The following GCN1 variants were observed in gnomAD, a reference collection of about 807,000 sequenced individuals.
GCN1 encodes the protein stalled ribosome sensor GCN1.
Under a neutral mutation model 288.4 loss-of-function variants are expected in GCN1, and 90 were observed. That is an observed-to-expected ratio of 0.31 (90% CI 0.26 to 0.37). The LOEUF is 0.37. Ranked by LOEUF, GCN1 falls within the 10% of genes least tolerant of loss-of-function variation. The pLI is 1.00. For synonymous variants in GCN1, 1,386 were observed against 1,420.2 expected, an observed-to-expected ratio of 0.98 and a Z score of 0.54; for missense variants, 2,586 against 3,419.9, an observed-to-expected ratio of 0.76 and a Z score of 6.08.
At chr12:120,171,151 A>G (rs984775783) in intron 14 of GCN1, among the ~76,000 whole-genome samples, 3 of 148,772 alleles carry the variant, frequency 2.0e-5, no homozygotes, top group Admixed American at 2.0e-4. Context: ...CAAAAAAAAA[A>G]AAAAAAAGAG....
chr12:120,140,817 G>T (rs777005823), intron 45 of GCN1, 42 bp downstream of exon 45: 3 of 1,588,104 alleles, frequency 1.9e-6, no homozygotes, highest in South Asian at 2.3e-5. Flanking sequence ...GAGTCAGGTC[G>T]TCTGCAGTGC....
chr12:120,136,721 G>T lies in GCN1; in HGVS notation c.6789C>A (p.Ser2263=). ...CTCCTTCCCGCAACACTGGAAGGAT[G>T]GAGGTCACTCCCTGACAAGAGAACC... ...GFCLPKKGVT[S]ILPVLREGVL... Residue 2263 remains serine (S), a synonymous_variant, in exon 51 of 58, where the codon TCC becomes TCA. Coordinates refer to ENST00000300648, the MANE Select transcript of GCN1 (RefSeq NM_006836.2). The T allele has an allele frequency of 6.2e-7, 1 of 1,612,546 alleles. No homozygotes were observed. The highest frequency in any genetic ancestry group is 8.5e-7 in the Non-Finnish European group (1 of 1,178,894).
intron 37 of GCN1, among the ~76,000 whole-genome samples, chr12:120,147,907 G>A (rs554366577): frequency 5.2e-4 from 79 of 152,310 alleles, no homozygotes; most frequent in African/African-American, 1.8e-3. Context: ...AGTTTTCACA[G>A]GTCCTAACAT....
chr12:120,147,610 T>C (rs1254267354), intron 37 of GCN1, among the ~76,000 whole-genome samples: 3 of 152,256 alleles, frequency 2.0e-5, no homozygotes, highest in East Asian at 1.9e-4. Context: ...TCTCCCACTA[T>C]GATATAATGT....
At chr12:120,175,114 AAG>A (rs1320123155) in intron 12 of GCN1, 46 bp downstream of exon 12, 1 of 1,526,698 alleles carries the variant, frequency 6.6e-7, no homozygotes, top group South Asian at 1.2e-5. Flanking sequence ...ATGACACAGC[AAG>A]ACTTTCTCTC....
At chr12:120,129,230 G>T in intron 57 of GCN1, 46 bp downstream of exon 57, 1 of 1,353,566 alleles carries the variant, frequency 7.4e-7, no homozygotes, top group Non-Finnish European at 1.1e-6. Context: ...AGAGCTGAAA[G>T]ACAAATGCTC....
rs370234134 is a variant in GCN1, at chr12:120,145,104, CT to C, written c.5017-44del. On this transcript the variant is annotated intron_variant, in intron 39 of 57. Transcript: ENST00000300648. ...GCAGAGATGGTGTGAGAAGATGAGG[CT>C]CAAAACAAGGTAGCCACATGGGAGC... The C allele has an allele frequency of 2.2e-4, 359 of 1,613,090 alleles. No homozygotes were observed. The African/African-American group carries it at 3.9e-3, about 17-fold the overall frequency.
At position 120,147,140 on chromosome 12, in the gene GCN1, A is replaced by G. The variant is rs751275123; in HGVS notation, c.4859T>C (p.Val1620Ala). ...GGAACGGTCCTGGAAGGCTCTCTGG[A>G]CAATGGGCATGATGAGGGCCAGGGA... Reference protein sequence around the residue: ...APSLALIMPIVQRAFQDRSTD... With the variant: ...APSLALIMPIAQRAFQDRSTD... The change falls in exon 38 of 58, where the codon GTC (valine) becomes GCC (alanine). Residue 1620 changes from valine to alanine, a missense_variant. This residue lies in a region of GCN1 where 371 missense variants were observed against 572.6 expected (regional missense o/e 0.65). Transcript: ENST00000300648. 6.2e-6 allele frequency: 10 copies of G among 1,612,962 alleles called. No homozygotes were observed. The highest frequency in any genetic ancestry group is 8.5e-6 in the Non-Finnish European group (10 of 1,179,268).
At chr12:120,184,551 T>A (rs185756257) in intron 3 of GCN1, among the ~76,000 whole-genome samples, 153 of 152,286 alleles carry the variant, frequency 1.0e-3, no homozygotes, top group Non-Finnish European at 1.7e-3. Flanking sequence ...CATAAACACA[T>A]TGACCACTAT....
In GCN1 at chr12:120,190,028, T is replaced by C. The variant is rs576895182; in HGVS notation, c.121+270A>G. ...AAAACCACAAAATTTATTTTTGATA[T>C]GGAACACTGTCATTCGAGAAACCCC... On this transcript the variant is annotated intron_variant, in intron 2 of 57. Coordinates refer to ENST00000300648, the MANE Select transcript of GCN1 (RefSeq NM_006836.2). Among the ~76,000 whole-genome samples the C allele has an allele frequency of 2.0e-5, 3 of 151,694 alleles. No individual in the cohort carries two copies. The South Asian group carries it at 6.3e-4, about 32-fold the overall frequency.
chr12:120,148,222 A>C lies in GCN1; in HGVS notation c.4671T>G (p.Ala1557=), dbSNP rs1566303141. The change falls in exon 37 of 58, where the codon GCT becomes GCG. Residue 1557 remains alanine (A), a synonymous_variant. Coordinates refer to ENST00000300648, the MANE Select transcript of GCN1 (RefSeq NM_006836.2). ...CGATCTGCCTGAGCGCCTGCTGTCC[A>C]GCCTTCTGGACTTTGACATGGGAGT... ...LTDSHVKVQK[A]GQQALRQIGS... 6.2e-7 allele frequency: 1 copy of C among 1,614,140 alleles called. No homozygotes were observed. Among genetic ancestry groups the C allele is most frequent in the Non-Finnish European group, 8.5e-7 (1 of 1,180,012 alleles).
Position 120,136,658 on chromosome 12 carries a change from G to A in GCN1, c.6852C>T (p.Ala2284=). ...GGCGGATTACCAAGCCTAAGGCTTT[G>A]GCTGCCTCCTCCTTCTGCTCAGGGC... is the stretch of plus-strand genomic sequence containing the variant. ...TGSPEQKEEA[A]KALGLVIRLT... is the part of the protein sequence containing the mutation. Residue 2284 remains alanine, a synonymous_variant, in exon 51 of 58, where the codon GCC becomes GCT. Transcript: ENST00000300648. 1 of 1,614,168 alleles carries A rather than the reference G, an allele frequency of 6.2e-7. No individual in the cohort carries two copies. The highest frequency in any genetic ancestry group is 1.7e-5 in the Admixed American group (1 of 60,026).
chr12:120,177,306 T>C, intron 9 of GCN1, 141 bp downstream of exon 9: 1 of 597,056 alleles, frequency 1.7e-6, no homozygotes, highest in Non-Finnish European at 3.0e-6. Flanking sequence ...CCAATCTCTC[T>C]CCCAAGGTCC....
In GCN1 at chr12:120,142,123, G is replaced by A. The variant is rs969692453; in HGVS notation, c.5829+384C>T. On this transcript the variant is annotated intron_variant, in intron 44 of 57. Transcript: ENST00000300648. This position sits in a 1 kb window ranked among gnomAD's most constrained non-coding sequence, Gnocchi z 4.9. Reference sequence around the variant, plus strand: ...GGGCGCATCACGAGGTCAGGAGATCGAGACCGTCCTGGCTAACGTGCTGAA... The same window carrying A: ...GGGCGCATCACGAGGTCAGGAGATCAAGACCGTCCTGGCTAACGTGCTGAA... 3.9e-5 allele frequency among the ~76,000 whole-genome samples: 6 copies of A among 152,040 alleles called. No individual in the cohort carries two copies. Among genetic ancestry groups the A allele is most frequent in the African/African-American group, 7.3e-5 (3 of 41,374 alleles).
chr12:120,174,260 C>T (rs1406310245), intron 12 of GCN1, 91 bp from the exon 13 acceptor site: 3 of 742,202 alleles, frequency 4.0e-6, no homozygotes, highest in Non-Finnish European at 7.4e-6. Flanking sequence ...CTCTGGGTCA[C>T]AGACCTCTTC....
chr12:120,155,205 C>T lies in GCN1; in HGVS notation c.3630+36G>A, dbSNP rs758285884. 8.1e-6 allele frequency: 13 copies of T among 1,602,608 alleles called. No individual in the cohort carries two copies. The African/African-American group carries it at 1.5e-4, about 18-fold the overall frequency. On this transcript the variant is annotated intron_variant, in intron 30 of 57. Transcript: ENST00000300648. The surrounding 1 kb of genome is among the most constrained non-coding windows in gnomAD (Gnocchi z 4.9). ...GAGCAGAGACCCACCCAACCGCACA[C>T]ACCCAGACTGCATCAGGGCTGCACA...
intron 21 of GCN1, 141 bp downstream of exon 21, chr12:120,161,739 T>G (rs746787599): frequency 1.1e-5 from 10 of 944,076 alleles, no homozygotes; most frequent in Non-Finnish European, 1.5e-5. Context: ...CTAAGCACCG[T>G]GCCGGGGACA....
At chr12:120,190,251 G>T in intron 2 of GCN1, 47 bp downstream of exon 2, 380 of 780,440 alleles carry the variant, frequency 4.9e-4, no homozygotes, top group Non-Finnish European at 7.2e-4. Context: ...AAGAAAGAAA[G>T]AAAAACAATG....
chr12:120,184,337 G>A (rs1419925658), intron 3 of GCN1, 94 bp from the exon 4 acceptor site: 1 of 1,037,498 alleles, frequency 9.6e-7, no homozygotes, highest in Non-Finnish European at 1.4e-6. Flanking sequence ...TTTCTCAGGA[G>A]AAACTGATCA....
Sources: gnomAD v4.1 joint callset for allele counts (sites outside exome capture counted in the v4.1 genomes callset) on GRCh38, gnomAD v4.1.1 for gene constraint, gnomAD v4.1.1 regional missense constraint, Gnocchi (gnomAD v3.1) non-coding constraint, MANE v1.5 for transcripts, NCBI Gene and HGNC (gene_info 2026-07-23, HGNC 2026-07-21) for gene names.